Variants in PTPRR observed in about 807,000 individuals in gnomAD.
PTPRR encodes receptor-type tyrosine-protein phosphatase R.
A neutral mutation model predicts 77.2 loss-of-function variants in PTPRR; 38 were observed. The ratio of observed to expected loss-of-function variants is 0.49; its 90% CI spans 0.38 to 0.65. The LOEUF is 0.65. Ranked by LOEUF, PTPRR falls within the 30% of genes least tolerant of loss-of-function variation. PTPRR has a pLI of 0.00. For synonymous variants in PTPRR, 299 were observed against 283.1 expected, an observed-to-expected ratio of 1.06 and a Z score of -0.57; for missense variants, 744 against 799.2, an observed-to-expected ratio of 0.93 and a Z score of 0.83.
At chr12:70,755,621 C>T (rs1255585506) in intron 4 of PTPRR, among the ~76,000 whole-genome samples, 2 of 152,028 alleles carry the variant, frequency 1.3e-5, no homozygotes, top group South Asian at 2.1e-4. Flanking sequence ...TGTAAAACAG[C>T]GATGTGCTCA....
At chr12:70,906,784 C>G (rs1347859983) in intron 1 of PTPRR, 1 of 152,048 alleles carries the variant, frequency 6.6e-6, no homozygotes, top group African/African-American at 2.4e-5. Flanking sequence ...TATCCTTAAA[C>G]TAGCCATTTT....
intron 2 of PTPRR, among the ~76,000 whole-genome samples, chr12:70,837,304 T>C (rs1440816249): frequency 2.0e-5 from 3 of 152,154 alleles, no homozygotes; most frequent in African/African-American, 7.2e-5. Context: ...CTGTAAGTGC[T>C]TTTCTATTTC....
chr12:70,654,537 G>A (rs991389134), intron 13 of PTPRR, among the ~76,000 whole-genome samples: 5 of 151,974 alleles, frequency 3.3e-5, no homozygotes, highest in African/African-American at 9.7e-5. Context: ...TCTGTCTCCA[G>A]GAAAAAAAGA....
chr12:70,803,568 T>C (rs934223764), intron 2 of PTPRR, among the ~76,000 whole-genome samples: 1 of 152,152 alleles, frequency 6.6e-6, no homozygotes, highest in African/African-American at 2.4e-5. Flanking sequence ...GGTGCTCTGG[T>C]AGCTTCCCAT....
chr12:70,662,022 T>C (rs1394538186), intron 11 of PTPRR, among the ~76,000 whole-genome samples: 1 of 152,208 alleles, frequency 6.6e-6, no homozygotes, highest in Non-Finnish European at 1.5e-5. Context: ...GGAAAGTCCC[T>C]ATAAATTACT....
At chr12:70,842,563 T>C (rs1264916548) in intron 2 of PTPRR, among the ~76,000 whole-genome samples, 1 of 152,220 alleles carries the variant, frequency 6.6e-6, no homozygotes, top group African/African-American at 2.4e-5. Flanking sequence ...TTCTGGCAGC[T>C]GTTGGCATTG....
At chr12:70,861,752 T>C (rs1030312445) in intron 2 of PTPRR, among the ~76,000 whole-genome samples, 1 of 152,126 alleles carries the variant, frequency 6.6e-6, no homozygotes, top group Non-Finnish European at 1.5e-5. Context: ...AAGGGAGTTA[T>C]GATATTGTTA....
At chr12:70,702,725 A>G (rs1024947083) in intron 6 of PTPRR, among the ~76,000 whole-genome samples, 1 of 152,192 alleles carries the variant, frequency 6.6e-6, no homozygotes, top group African/African-American at 2.4e-5. Flanking sequence ...TTTGTAATTG[A>G]GATTTTAATT....
intron 12 of PTPRR, among the ~76,000 whole-genome samples, chr12:70,660,490 G>T (rs975532710): frequency 5.3e-5 from 8 of 152,044 alleles, no homozygotes; most frequent in African/African-American, 1.7e-4. Flanking sequence ...TAATTGACTG[G>T]TTTTCACCAA....
At chr12:70,716,045 T>A (rs1889015811) in intron 6 of PTPRR, among the ~76,000 whole-genome samples, 1 of 152,158 alleles carries the variant, frequency 6.6e-6, no homozygotes, top group Non-Finnish European at 1.5e-5. Context: ...GGGGGACTAA[T>A]AAATGTCCAT....
chr12:70,710,071 C>G (rs1888768490), intron 6 of PTPRR, among the ~76,000 whole-genome samples: 2 of 151,964 alleles, frequency 1.3e-5, no homozygotes, highest in South Asian at 2.1e-4. Flanking sequence ...CATATGGAAC[C>G]AAAAAGGAGC....
chr12:70,801,979 G>T lies in PTPRR; in HGVS notation c.358-37201C>A, dbSNP rs973538788. On this transcript the variant is annotated intron_variant, in intron 2 of 13. Coordinates refer to ENST00000283228, the MANE Select transcript of PTPRR (RefSeq NM_002849.4). ...GAGGGTAAAAACAGATGGTGCAGGG[G>T]TGTCGCAGAGTAGGTTGTGGCCACA... Among the ~76,000 whole-genome samples, 4 of 152,130 alleles carry T rather than the reference G, an allele frequency of 2.6e-5. No individual in the cohort carries two copies. The East Asian group carries it at 7.7e-4, about 29-fold the overall frequency.
intron 2 of PTPRR, among the ~76,000 whole-genome samples, chr12:70,875,912 T>C (rs1893043723): frequency 6.6e-6 from 1 of 152,166 alleles, no homozygotes; most frequent in East Asian, 1.9e-4. Flanking sequence ...ACATGAAAGA[T>C]GTTGTCCTTT....
chr12:70,807,200 A>G (rs1488120311), intron 2 of PTPRR, among the ~76,000 whole-genome samples: 10 of 152,328 alleles, frequency 6.6e-5, no homozygotes, highest in Admixed American at 2.6e-4. Flanking sequence ...TGCAAAGGAT[A>G]GACAAGTAAA....
At chr12:70,906,105 A>G (rs1026474473) in intron 1 of PTPRR, among the ~76,000 whole-genome samples, 1 of 151,992 alleles carries the variant, frequency 6.6e-6, no homozygotes, top group Non-Finnish European at 1.5e-5. Flanking sequence ...GGAAAGAAAC[A>G]TGCTTTTTAT....
At chr12:70,847,920 A>T (rs1892511691) in intron 2 of PTPRR, among the ~76,000 whole-genome samples, 1 of 152,198 alleles carries the variant, frequency 6.6e-6, no homozygotes, top group African/African-American at 2.4e-5. Flanking sequence ...AAACATAATG[A>T]TTTTCAGTGA....
chr12:70,708,566 C>T (rs1888701645), intron 6 of PTPRR, among the ~76,000 whole-genome samples: 1 of 151,708 alleles, frequency 6.6e-6, no homozygotes, highest in African/African-American at 2.4e-5. Context: ...TTAATTTTTA[C>T]TCCTTTTTTT....
intron 1 of PTPRR, among the ~76,000 whole-genome samples, chr12:70,914,459 CA>C (rs1208597000): frequency 6.6e-6 from 1 of 152,050 alleles, no homozygotes; most frequent in African/African-American, 2.4e-5. Flanking sequence ...TGTCTCAAGG[CA>C]GTGACATGAT....
At position 70,835,852 on chromosome 12, in the gene PTPRR, A is replaced by G. The variant is rs1892293245; in HGVS notation, c.357+56827T>C. On this transcript the variant is annotated intron_variant, in intron 2 of 13. Transcript: ENST00000283228. ...AGTGAGCCCAGATATTTTCATTTTT[A>G]TTTTACTCTCCCCAGTACACTTATT... is the stretch of plus-strand genomic sequence containing the variant. Among the ~76,000 whole-genome samples the G allele has an allele frequency of 3.9e-5, 6 of 152,050 alleles. No individual in the cohort carries two copies. In the South Asian group the frequency reaches 1.2e-3, roughly 32 times the overall value.
Sources: gnomAD v4.1 joint callset for allele counts (sites outside exome capture counted in the v4.1 genomes callset) on GRCh38, gnomAD v4.1.1 for gene constraint, MANE v1.5 for transcripts, NCBI Gene and HGNC (gene_info 2026-07-23, HGNC 2026-07-21) for gene names.